DIS3L: variants seen among roughly 807,000 people sequenced by gnomAD.
DIS3L encodes the protein DIS3-like exonuclease 1.
In DIS3L, 100 loss-of-function variants were observed where a neutral mutation model predicts 120.3. The observed-to-expected ratio is 0.83, with a 90% CI of 0.71 to 0.98. DIS3L has a LOEUF of 0.98. Ranked by LOEUF, DIS3L falls within the 50% of genes least tolerant of loss-of-function variation. The pLI, the probability that DIS3L is intolerant of heterozygous loss-of-function variation, is 0.00. For synonymous variants in DIS3L, 426 were observed against 470.6 expected (o/e 0.91, Z 1.23); for missense variants, 1,196 against 1,314.2 (o/e 0.91, Z 1.39).
At chr15:66,332,632 A>T in intron 15 of DIS3L, 104 bp from the exon 16 acceptor site, 4 of 1,163,082 alleles carry the variant, frequency 3.4e-6, no homozygotes, top group Non-Finnish European at 4.8e-6. Context: ...AGGAAAAGTG[A>T]TTTGTTTTTA....
At chr15:66,323,394 T>A in intron 10 of DIS3L, 99 bp from the exon 11 acceptor site, 1 of 1,111,668 alleles carries the variant, frequency 9.0e-7, no homozygotes, top group Non-Finnish European at 1.4e-6. Flanking sequence ...GGGGAATCTG[T>A]AGTGAGATTT....
intron 14 of DIS3L, chr15:66,330,620 G>A (rs2092989903): frequency 1.1e-6 from 1 of 888,178 alleles, no homozygotes; most frequent in African/African-American, 1.8e-5. Flanking sequence ...AATTTGGCCA[G>A]TGTCTCAGTC....
At chr15:66,331,168 A>G (rs1265516593) in intron 14 of DIS3L, among the ~76,000 whole-genome samples, 5 of 151,750 alleles carry the variant, frequency 3.3e-5, no homozygotes, top group African/African-American at 1.2e-4. Context: ...AAGAAGACAA[A>G]GAAACTTTAA....
rs2092805067 is a variant in DIS3L, at chr15:66,315,194, C to T, written c.973C>T (p.Pro325Ser). The change falls in exon 7 of 17, where the codon CCA (proline) becomes TCA (serine). Residue 325 changes from proline (P) to serine (S), a missense_variant. Pro to Ser is a moderately conservative substitution (Grantham distance 74). Transcript: ENST00000319212. Reference sequence around the variant, plus strand: ...TGACGACAAGGCTTCGGGCGAGTCCCCAAGTGAGCCCATGCCTACAGGTGA... The same window carrying T: ...TGACGACAAGGCTTCGGGCGAGTCCTCAAGTGAGCCCATGCCTACAGGTGA... ...DCDDKASGES[P>S]SEPMPTGRVV... 4.3e-6 allele frequency: 7 copies of T among 1,612,976 alleles called. No homozygotes were observed. Among genetic ancestry groups the T allele is most frequent in the Non-Finnish European group, 5.1e-6 (6 of 1,179,376 alleles).
chr15:66,313,309 T>A (rs1343651259), intron 5 of DIS3L, among the ~76,000 whole-genome samples: 2 of 152,156 alleles, frequency 1.3e-5, no homozygotes, highest in African/African-American at 2.4e-5. Flanking sequence ...GAGGATATTT[T>A]GAGATAGAAG....
chr15:66,304,998 CTTT>C (rs1283384329), intron 2 of DIS3L, among the ~76,000 whole-genome samples: 6 of 105,060 alleles, frequency 5.7e-5, no homozygotes, highest in African/African-American at 1.1e-4. Context: ...AAATCGATTT[CTTT>C]TTTTTTTTTT....
intron 14 of DIS3L, chr15:66,330,630 C>A: frequency 1.4e-6 from 1 of 699,294 alleles, no homozygotes; most frequent in Non-Finnish European, 1.8e-6. Context: ...GTGTCTCAGT[C>A]ACACTGGCCA....
chr15:66,325,184 A>G (rs556714313), intron 11 of DIS3L, among the ~76,000 whole-genome samples: 8 of 152,328 alleles, frequency 5.3e-5, no homozygotes, highest in African/African-American at 1.9e-4. Context: ...GCCAGAGCTC[A>G]GGAGTTTGAG....
intron 2 of DIS3L, among the ~76,000 whole-genome samples, chr15:66,298,666 A>G (rs2140319926): frequency 6.6e-6 from 1 of 152,340 alleles, no homozygotes; most frequent in South Asian, 2.1e-4. Context: ...CAGTATGACT[A>G]ATGTCAGGTC....
In DIS3L at chr15:66,307,539, C is replaced by T. The variant is rs80148196; in HGVS notation, c.422+587C>T. Among the ~76,000 whole-genome samples, 771 of 152,214 alleles carry T rather than the reference C, an allele frequency of 5.1e-3. 7 individuals are homozygous for T. The highest frequency in any genetic ancestry group is 0.018 in the African/African-American group (739 of 41,528). On this transcript the variant is annotated intron_variant, in intron 3 of 16. Transcript: ENST00000319212. ...CTGGTCTTCAGTTCCTGAGTTCAAGCAATCCACTTGTCTTGGCCTCCCAAA... is the reference window on the plus strand; with the variant it reads ...CTGGTCTTCAGTTCCTGAGTTCAAGTAATCCACTTGTCTTGGCCTCCCAAA...
rs1333632102 is a variant in DIS3L at position 66,313,863 on chromosome 15, G to A, written c.736-176G>A. Among the ~76,000 whole-genome samples the A allele has an allele frequency of 2.1e-4, 25 of 120,028 alleles. No homozygotes were observed. The South Asian group carries it at 6.0e-3, about 29-fold the overall frequency. 78.7% of individuals were successfully genotyped at this position (120,028 alleles called of 152,430 possible). A position where few individuals can be genotyped will look rare whatever the true frequency, so the allele number is the denominator to read the frequency against. On this transcript the variant is annotated intron_variant, in intron 5 of 16. Coordinates refer to ENST00000319212, the MANE Select transcript of DIS3L (RefSeq NM_001143688.3). Reference sequence around the variant, plus strand: ...TATATGTGTGTGCGTATATATATGTGTGTATATATATATATATGTGTGTGT... The same window carrying A: ...TATATGTGTGTGCGTATATATATGTATGTATATATATATATATGTGTGTGT...
chr15:66,293,641 G>C lies in DIS3L; in HGVS notation c.45G>C (p.Gln15His). ...AGGTGCTGCTGCTGAGGACCTTCCAGGGCCGCACGCTGCGGATCGTGCGCG... is the reference window on the plus strand; with the variant it reads ...AGGTGCTGCTGCTGAGGACCTTCCACGGCCGCACGCTGCGGATCGTGCGCG... ...REKVLLLRTF[Q>H]GRTLRIVREH... The change falls in exon 1 of 17, where the codon CAG becomes CAC. Residue 15 changes from glutamine to histidine, a missense_variant. Transcript: ENST00000319212. The C allele has an allele frequency of 2.8e-6, 4 of 1,441,244 alleles. No homozygotes were observed. The highest frequency in any genetic ancestry group is 2.5e-5 in the Admixed American group (1 of 40,368). The allele number at this position is 1,441,244 out of a possible 1,614,324, so 89.3% of individuals were successfully genotyped here.
intron 12 of DIS3L, among the ~76,000 whole-genome samples, chr15:66,326,993 A>G (rs531909461): frequency 6.8e-6 from 1 of 146,884 alleles, no homozygotes; most frequent in African/African-American, 2.5e-5. Flanking sequence ...GCAGTGGCAC[A>G]ATCTTGGCTC....
Position 66,325,931 on chromosome 15 carries a change from T to C in DIS3L, c.1768T>C (p.Tyr590His), listed in dbSNP as rs146642941. The change falls in exon 12 of 17, where the codon TAT (tyrosine) becomes CAT (histidine). Residue 590 changes from tyrosine (Y) to histidine (H), a missense_variant. Coordinates refer to ENST00000319212, the MANE Select transcript of DIS3L (RefSeq NM_001143688.3). ...TIIRSAYKLFYEAAQELLDGN... is the reference protein window; with the variant it reads ...TIIRSAYKLFHEAAQELLDGN... ...TATTCGATCAGCATACAAACTGTTC[T>C]ATGAAGCAGCCCAAGAACTACTGGA... The C allele has an allele frequency of 8.7e-6, 14 of 1,614,244 alleles. No homozygotes were observed. In the African/African-American group the frequency reaches 1.7e-4, roughly 20 times the overall value.
rs1566965821 is a variant in DIS3L, at chr15:66,333,512, C to T, written c.*200C>T. ...TTGGGAGGCTGAGGCGGGCGGATCACGAGGTCAGGAGATTGAGACCATCCT... is the reference window on the plus strand; with the variant it reads ...TTGGGAGGCTGAGGCGGGCGGATCATGAGGTCAGGAGATTGAGACCATCCT... On this transcript the variant is annotated 3_prime_UTR_variant, in exon 17 of 17. Transcript: ENST00000319212. 9 of 465,284 alleles carry T rather than the reference C, an allele frequency of 1.9e-5. No homozygotes were observed. Among genetic ancestry groups the T allele is most frequent in the Admixed American group, 4.0e-5 (1 of 25,182 alleles). 28.8% of individuals were successfully genotyped at this position (465,284 alleles called of 1,614,324 possible). A position where few individuals can be genotyped will look rare whatever the true frequency, so the allele number is the denominator to read the frequency against.
chr15:66,315,103 A>C lies in DIS3L; in HGVS notation c.882A>C (p.Val294=). 1 of 1,614,108 alleles carries C rather than the reference A, an allele frequency of 6.2e-7. No individual in the cohort carries two copies. Among genetic ancestry groups the C allele is most frequent in the South Asian group, 1.1e-5 (1 of 91,074 alleles). ...ACCGCTCAATTCATGGAGATGTGGT[A>C]GTTGTGGAGCTGCTTCCTAAAAATG... ...ARNRSIHGDV[V]VVELLPKNEW... is the part of the protein sequence containing the mutation. The change falls in exon 7 of 17, where the codon GTA becomes GTC. Residue 294 remains valine, a synonymous_variant. Transcript: ENST00000319212.
At chr15:66,310,276 A>G (rs565067934) in intron 4 of DIS3L, among the ~76,000 whole-genome samples, 1 of 152,270 alleles carries the variant, frequency 6.6e-6, no homozygotes, top group Non-Finnish European at 1.5e-5. Flanking sequence ...GGGGCGCTGG[A>G]TATTAATGGC....
intron 2 of DIS3L, among the ~76,000 whole-genome samples, chr15:66,299,276 G>T (rs1413608326): frequency 6.6e-6 from 1 of 152,180 alleles, no homozygotes. Flanking sequence ...CTCAGCGGTG[G>T]TTCACACTTG....
Position 66,309,094 on chromosome 15 carries a change from A to AAAAAAAAAAAATATATAT in DIS3L, c.558+251_558+252insAAAAAAAAAATATATATA. Reference sequence around the variant, plus strand: ...CTTGTCTCTACAGAAAAAAAAAAAAAATATATATATCTCCAAGCATGGTGG... The same window carrying AAAAAAAAAAAATATATAT: ...CTTGTCTCTACAGAAAAAAAAAAAAAAAAAAAAAAAATATATATATATATATATCTCCAAGCATGGTGG... On this transcript the variant is annotated intron_variant, in intron 4 of 16. Coordinates refer to ENST00000319212, the MANE Select transcript of DIS3L (RefSeq NM_001143688.3). Among the ~76,000 whole-genome samples, 25 of 15,314 alleles carry AAAAAAAAAAAATATATAT rather than the reference A, an allele frequency of 1.6e-3. 4 individuals are homozygous for AAAAAAAAAAAATATATAT. The highest frequency in any genetic ancestry group is 8.5e-3 in the South Asian group (1 of 118). The allele number at this position is 15,314 out of a possible 152,430, so 10.0% of individuals were successfully genotyped here.
Sources: allele counts gnomAD v4.1 joint callset (sites outside exome capture counted in the v4.1 genomes callset), GRCh38; gene constraint gnomAD v4.1.1; transcripts MANE v1.5; gene names NCBI Gene and HGNC (gene_info 2026-07-23, HGNC 2026-07-21).